The following TLR4 variants were observed in gnomAD, a reference collection of about 807,000 sequenced individuals.
TLR4 encodes the protein toll-like receptor 4.
Under a neutral mutation model 27.4 loss-of-function variants are expected in TLR4, and 17 were observed. The ratio of observed to expected loss-of-function variants is 0.62; its 90% CI spans 0.42 to 0.93. The LOEUF (loss-of-function observed/expected upper bound fraction) is 0.93. TLR4 is among the 40% of genes least tolerant of loss of function. The pLI, the probability that TLR4 is intolerant of heterozygous loss-of-function variation, is 0.00. For synonymous variants in TLR4, 363 were observed against 365.7 expected (o/e 0.99, Z 0.08); for missense variants, 926 against 962.3 (o/e 0.96, Z 0.50).
Position 117,712,389 on chromosome 9 carries a change from G to C in TLR4, c.261G>C (p.Arg87Ser), listed in dbSNP as rs769239861. 4 of 1,612,978 alleles carry C rather than the reference G, an allele frequency of 2.5e-6. No homozygotes were observed. In the South Asian group the frequency reaches 4.4e-5, roughly 18 times the overall value. The change falls in exon 3 of 3, where the codon AGG becomes AGC. Residue 87 changes from arginine (R) to serine (S), a missense_variant and splice_region_variant. By Grantham distance (110) the Arg-to-Ser change is moderately radical (BLOSUM62 -1). Coordinates refer to ENST00000355622, the MANE Select transcript of TLR4 (RefSeq NM_138554.5). ...FPELQVLDLS[R>S]CEIQTIEDGA... The stretch of plus-strand genomic sequence containing the variant: ...AATCAATGTCTTTTTATTCCTGTAG[G>C]TGTGAAATCCAGACAATTGAAGATG...
intron 1 of TLR4, chr9:117,708,206 C>T (rs577039765): frequency 2.9e-6 from 3 of 1,052,538 alleles, no homozygotes; most frequent in East Asian, 7.5e-5. Context: ...AAGACTTGGC[C>T]CTAAACCACA....
In TLR4 at chr9:117,720,592, A is replaced by T. The variant is rs887882833; in HGVS notation, c.*5944A>T. ...AGAAATGACGTGATGTTTATGAGAG[A>T]AGTGTTTTGTTGAAAATTAAACTCA... On this transcript the variant is annotated 3_prime_UTR_variant, in exon 3 of 3. Coordinates refer to ENST00000355622, the MANE Select transcript of TLR4 (RefSeq NM_138554.5). 1.3e-5 allele frequency: 2 copies of T among 152,178 alleles called. No individual in the cohort carries two copies. Among genetic ancestry groups the T allele is most frequent in the Non-Finnish European group, 2.9e-5 (2 of 68,040 alleles). The allele number at this position is 152,178 out of a possible 1,614,324, so 9.4% of individuals were successfully genotyped here.
At chr9:117,711,753 C>T (rs1210407371) in intron 2 of TLR4, among the ~76,000 whole-genome samples, 1 of 152,130 alleles carries the variant, frequency 6.6e-6, no homozygotes, top group Non-Finnish European at 1.5e-5. Context: ...CACAACGGTT[C>T]TCTGGATGTG....
rs1467460354 is a variant in TLR4 at position 117,713,656 on chromosome 9, C to A, written c.1528C>A (p.Gln510Lys). Reference protein sequence around the residue: ...FLDLSQCQLEQLSPTAFNSLS... With the variant: ...FLDLSQCQLEKLSPTAFNSLS... ...GGACCTCTCTCAGTGTCAACTGGAG[C>A]AGTTGTCTCCAACAGCATTTAACTC... Residue 510 changes from glutamine to lysine, a missense_variant, in exon 3 of 3, where the codon CAG (glutamine) becomes AAG (lysine). Gln to Lys is a moderately conservative substitution (Grantham distance 53). Transcript: ENST00000355622. 3 of 1,614,032 alleles carry A rather than the reference C, an allele frequency of 1.9e-6. No homozygotes were observed. The highest frequency in any genetic ancestry group is 2.5e-6 in the Non-Finnish European group (3 of 1,180,018).
intron 2 of TLR4, among the ~76,000 whole-genome samples, chr9:117,711,653 C>A (rs1829233148): frequency 6.6e-6 from 1 of 151,966 alleles, no homozygotes; most frequent in African/African-American, 2.4e-5. Flanking sequence ...GTTTGCTGTT[C>A]ACTTCACCTC....
At chr9:117,712,266 C>G in intron 2 of TLR4, 123 bp from the exon 3 acceptor site, 1 of 971,156 alleles carries the variant, frequency 1.0e-6, no homozygotes, top group East Asian at 2.6e-5. Flanking sequence ...GATGTCTTTG[C>G]CTATGCACAA....
rs201330256 is a variant in TLR4, at chr9:117,714,531, C to T, written c.2403C>T (p.Val801=). 2.0e-5 allele frequency: 32 copies of T among 1,613,702 alleles called. No individual in the cohort carries two copies. Among genetic ancestry groups the T allele is most frequent in the Non-Finnish European group, 2.6e-5 (31 of 1,180,000 alleles). Residue 801 remains valine, a synonymous_variant, in exon 3 of 3, where the codon GTC becomes GTT. Coordinates refer to ENST00000355622, the MANE Select transcript of TLR4 (RefSeq NM_138554.5). ...CTTACCTGGAGTGGGAGGACAGTGT[C>T]CTGGGGCGGCACATCTTCTGGAGAC... The part of the protein sequence containing the change: ...RNTYLEWEDS[V]LGRHIFWRRL...
In TLR4 at chr9:117,720,851, A is replaced by G. The variant is rs913366853; in HGVS notation, c.*6203A>G. The G allele has an allele frequency of 6.6e-6, 1 of 152,456 alleles. No individual in the cohort carries two copies. Among genetic ancestry groups the G allele is most frequent in the Non-Finnish European group, 1.5e-5 (1 of 68,164 alleles). 9.4% of individuals were successfully genotyped at this position (152,456 alleles called of 1,614,324 possible). ...GGGCTCGGCCGTGAGATGCTAGTGC[A>G]TGACCCTTCCTCTTCCTGGGACTGT... On this transcript the variant is annotated 3_prime_UTR_variant, in exon 3 of 3. Coordinates refer to ENST00000355622, the MANE Select transcript of TLR4 (RefSeq NM_138554.5).
At chr9:117,708,094 A>G in intron 1 of TLR4, 1 of 718,692 alleles carries the variant, frequency 1.4e-6, no homozygotes, top group Non-Finnish European at 1.7e-6. Context: ...GTGCTACTGC[A>G]GCAAGCACGA....
rs1275335823 is a variant in TLR4 at position 117,720,084 on chromosome 9, G to A, written c.*5436G>A. ...GTGCATGTCTGGCACCGTTTTAGTTGTATATTATTTCATTTAATTGTTAAA... is the reference window on the plus strand; with the variant it reads ...GTGCATGTCTGGCACCGTTTTAGTTATATATTATTTCATTTAATTGTTAAA... On this transcript the variant is annotated 3_prime_UTR_variant, in exon 3 of 3. Transcript: ENST00000355622. 6.6e-6 allele frequency: 1 copy of A among 152,098 alleles called. No individual in the cohort carries two copies. The highest frequency in any genetic ancestry group is 1.5e-5 in the Non-Finnish European group (1 of 68,014). 9.4% of individuals were successfully genotyped at this position (152,098 alleles called of 1,614,324 possible).
Position 117,714,688 on chromosome 9 carries a change from G to C in TLR4, c.*40G>C, listed in dbSNP as rs1172540934. 1 of 1,572,728 alleles carries C rather than the reference G, an allele frequency of 6.4e-7. No individual in the cohort carries two copies. The highest frequency in any genetic ancestry group is 1.3e-5 in the African/African-American group (1 of 74,108). The stretch of plus-strand genomic sequence containing the variant: ...AACCTCCTGAGGCATTTCTTGCCCA[G>C]CTGGGTCCAACACTTGTTCAGTTAA... On this transcript the variant is annotated 3_prime_UTR_variant, in exon 3 of 3. Transcript: ENST00000355622.
At chr9:117,707,009 A>G (rs1829145735) in intron 1 of TLR4, among the ~76,000 whole-genome samples, 1 of 152,220 alleles carries the variant, frequency 6.6e-6, no homozygotes, top group Non-Finnish European at 1.5e-5. Context: ...ATTGAGCACC[A>G]ACCATTTGCC....
rs1490873429 is a variant in TLR4 at position 117,715,755 on chromosome 9, T to G, written c.*1107T>G. ...TGGCTGGGATCCCTCCCCTGTACCC[T>G]TCTCACTGCCAGGAGAACTACGTGT... On this transcript the variant is annotated 3_prime_UTR_variant, in exon 3 of 3. Coordinates refer to ENST00000355622, the MANE Select transcript of TLR4 (RefSeq NM_138554.5). 6.6e-6 allele frequency: 1 copy of G among 152,194 alleles called. No individual in the cohort carries two copies. Among genetic ancestry groups the G allele is most frequent in the Non-Finnish European group, 1.5e-5 (1 of 68,034 alleles). 9.4% of individuals were successfully genotyped at this position (152,194 alleles called of 1,614,324 possible).
intron 1 of TLR4, chr9:117,708,270 C>T: frequency 8.5e-7 from 1 of 1,175,798 alleles, no homozygotes; most frequent in Non-Finnish European, 1.1e-6. Flanking sequence ...CTCAGCCCTT[C>T]ACCCCGATTC....
chr9:117,711,494 G>A (rs545393973), intron 2 of TLR4, among the ~76,000 whole-genome samples: 1 of 152,250 alleles, frequency 6.6e-6, no homozygotes, highest in South Asian at 2.1e-4. Flanking sequence ...CCTTTATCTG[G>A]TTGGTAAACC....
rs1829406033 is a variant in TLR4 at position 117,720,104 on chromosome 9, G to T, written c.*5456G>T. 6.6e-6 allele frequency: 1 copy of T among 152,008 alleles called. No individual in the cohort carries two copies. Among genetic ancestry groups the T allele is most frequent in the Admixed American group, 6.6e-5 (1 of 15,266 alleles). The allele number at this position is 152,008 out of a possible 1,614,324, so 9.4% of individuals were successfully genotyped here. On this transcript the variant is annotated 3_prime_UTR_variant, in exon 3 of 3. Transcript: ENST00000355622. The stretch of plus-strand genomic sequence containing the variant: ...TAGTTGTATATTATTTCATTTAATT[G>T]TTAAAATGACCTTCTGATGCAGGTA...
intron 1 of TLR4, 146 bp downstream of exon 1, chr9:117,704,711 T>G (rs1829107532): frequency 2.6e-6 from 2 of 783,808 alleles, no homozygotes; most frequent in Non-Finnish European, 4.2e-6. Flanking sequence ...ATCAAATAAT[T>G]CATTGTTACA....
rs1349834263 is a variant in TLR4, at chr9:117,713,070, C to T, written c.942C>T (p.Ser314=). 1 of 1,613,750 alleles carries T rather than the reference C, an allele frequency of 6.2e-7. No individual in the cohort carries two copies. The highest frequency in any genetic ancestry group is 1.1e-5 in the South Asian group (1 of 91,052). ...GTTTGACAAATGTTTCTTCATTTTC[C>T]CTGGTGAGTGTGACTATTGAAAGGG... ...FNCLTNVSSF[S]LVSVTIERVK... is the part of the protein sequence containing the mutation. Residue 314 remains serine, a synonymous_variant, in exon 3 of 3, where the codon TCC becomes TCT. Coordinates refer to ENST00000355622, the MANE Select transcript of TLR4 (RefSeq NM_138554.5).
chr9:117,708,889 C>G, intron 2 of TLR4, 160 bp downstream of exon 2: 1 of 864,136 alleles, frequency 1.2e-6, no homozygotes, highest in South Asian at 1.8e-5. Flanking sequence ...AGCAAGCTAC[C>G]TCTATTCTCC....
Sources: allele counts gnomAD v4.1 joint callset (sites outside exome capture counted in the v4.1 genomes callset), GRCh38; gene constraint gnomAD v4.1.1; transcripts MANE v1.5; gene names NCBI Gene and HGNC (gene_info 2026-07-23, HGNC 2026-07-21).